Variants in HS6ST3 observed in about 807,000 individuals in gnomAD.
HS6ST3 encodes heparan-sulfate 6-O-sulfotransferase 3.
In HS6ST3, 12 loss-of-function variants were observed where a neutral mutation model predicts 36.7. The ratio of observed to expected loss-of-function variants is 0.33; its 90% CI spans 0.21 to 0.53. HS6ST3 has a LOEUF of 0.53. HS6ST3 is among the 20% of genes least tolerant of loss of function. The pLI, the probability that HS6ST3 is intolerant of heterozygous loss-of-function variation, is 0.95. For missense variants in HS6ST3, 584 were observed against 640.9 expected, an observed-to-expected ratio of 0.91 and a Z score of 0.96; for synonymous variants, 240 against 257.5, an observed-to-expected ratio of 0.93 and a Z score of 0.65.
intron 1 of HS6ST3, among the ~76,000 whole-genome samples, chr13:96,490,788 A>G (rs1347394042): frequency 6.6e-6 from 1 of 152,196 alleles, no homozygotes; most frequent in African/African-American, 2.4e-5. Context: ...GGTAGTAGGC[A>G]AACTTGTTGA....
chr13:96,604,068 A>G (rs929253584), intron 1 of HS6ST3, among the ~76,000 whole-genome samples: 5 of 152,202 alleles, frequency 3.3e-5, no homozygotes, highest in Admixed American at 3.3e-4. Flanking sequence ...CTTACTGTGC[A>G]TATGGTAAGA....
At chr13:96,152,580 G>A (rs956636210) in intron 1 of HS6ST3, among the ~76,000 whole-genome samples, 3 of 151,884 alleles carry the variant, frequency 2.0e-5, no homozygotes, top group Admixed American at 6.6e-5. Context: ...CTTGCGATCC[G>A]CCCGCCTTGA....
At chr13:96,365,323 T>C (rs747147995) in intron 1 of HS6ST3, among the ~76,000 whole-genome samples, 4 of 152,216 alleles carry the variant, frequency 2.6e-5, no homozygotes, top group African/African-American at 7.2e-5. Context: ...CTGGGTGTGG[T>C]TTAACTAAAA....
intron 1 of HS6ST3, among the ~76,000 whole-genome samples, chr13:96,761,433 T>G (rs954356265): frequency 6.6e-6 from 1 of 152,182 alleles, no homozygotes; most frequent in African/African-American, 2.4e-5. Flanking sequence ...TACCTTTGAT[T>G]TTTTTCATTA....
At chr13:96,350,987 CT>C (rs747374044) in intron 1 of HS6ST3, among the ~76,000 whole-genome samples, 9 of 152,224 alleles carry the variant, frequency 5.9e-5, no homozygotes, top group Admixed American at 1.3e-4. Flanking sequence ...TTTGGGAAGA[CT>C]TTTTTCCCTA....
At chr13:96,620,593 G>A (rs1410343699) in intron 1 of HS6ST3, among the ~76,000 whole-genome samples, 1 of 152,154 alleles carries the variant, frequency 6.6e-6, no homozygotes, top group Non-Finnish European at 1.5e-5. Context: ...GGTCATCAGC[G>A]ACATACATCC....
chr13:96,655,082 G>GA (rs2056620090), intron 1 of HS6ST3, among the ~76,000 whole-genome samples: 1 of 152,084 alleles, frequency 6.6e-6, no homozygotes, highest in African/African-American at 2.4e-5. Context: ...ATAAGTGAAG[G>GA]AAAAAGATCA....
chr13:96,433,325 A>G (rs61967669), intron 1 of HS6ST3, among the ~76,000 whole-genome samples: 23,881 of 152,042 alleles, frequency 0.16, 2,969 homozygotes, highest in African/African-American at 0.31. Context: ...GAAAATTTGA[A>G]TACAGGAATT....
intron 1 of HS6ST3, among the ~76,000 whole-genome samples, chr13:96,565,858 A>T (rs976119368): frequency 6.6e-6 from 1 of 152,192 alleles, no homozygotes; most frequent in African/African-American, 2.4e-5. Flanking sequence ...AAATTGACAG[A>T]CAAGGATTAT....
chr13:96,611,225 G>A (rs974389729), intron 1 of HS6ST3, among the ~76,000 whole-genome samples: 6 of 151,234 alleles, frequency 4.0e-5, no homozygotes, highest in Non-Finnish European at 8.8e-5. Context: ...ATGCTGGTGC[G>A]CTGCACCCAC....
rs530187934 is a variant in HS6ST3, at chr13:96,353,163, C to T, written c.707+261594C>T. On this transcript the variant is annotated intron_variant, in intron 1 of 1. Transcript: ENST00000376705. Reference sequence around the variant, plus strand: ...CTGTCTCCCAGGTTCACGTGATTCTCCTGCCTCAGCCTCCCGAGTAGCTGG... The same window carrying T: ...CTGTCTCCCAGGTTCACGTGATTCTTCTGCCTCAGCCTCCCGAGTAGCTGG... Among the ~76,000 whole-genome samples the T allele has an allele frequency of 2.0e-4, 30 of 148,644 alleles. 1 individual carries two copies. In the East Asian group the frequency reaches 5.7e-3, roughly 28 times the overall value.
rs1241055817 is a variant in HS6ST3, at chr13:96,839,543, T to A, written c.*6345T>A. Reference sequence around the variant, plus strand: ...TAATGAATAAGTTAAAATATTAAACTGTTGTGATGTCAAGAGCAATTGTCT... The same window carrying A: ...TAATGAATAAGTTAAAATATTAAACAGTTGTGATGTCAAGAGCAATTGTCT... On this transcript the variant is annotated 3_prime_UTR_variant, in exon 2 of 2. Transcript: ENST00000376705. 6.6e-6 allele frequency: 1 copy of A among 152,250 alleles called. No homozygotes were observed. The highest frequency in any genetic ancestry group is 2.4e-5 in the African/African-American group (1 of 41,464). The allele number at this position is 152,250 out of a possible 1,614,324, so 9.4% of individuals were successfully genotyped here.
At chr13:96,308,963 T>G (rs893667842) in intron 1 of HS6ST3, among the ~76,000 whole-genome samples, 22 of 152,268 alleles carry the variant, frequency 1.4e-4, no homozygotes, top group African/African-American at 5.3e-4. Flanking sequence ...GGAGAGAAAT[T>G]ATATTTGGCA....
chr13:96,447,985 G>A (rs2055707514), intron 1 of HS6ST3, among the ~76,000 whole-genome samples: 2 of 152,162 alleles, frequency 1.3e-5, no homozygotes, highest in South Asian at 2.1e-4. Context: ...ACTCATCAGA[G>A]CTGTATCATT....
chr13:96,231,196 G>C (rs1270604847), intron 1 of HS6ST3, among the ~76,000 whole-genome samples: 2 of 152,124 alleles, frequency 1.3e-5, no homozygotes, highest in Non-Finnish European at 2.9e-5. Context: ...CATCCTTACT[G>C]TGCCTGTTGA....
intron 1 of HS6ST3, among the ~76,000 whole-genome samples, chr13:96,162,759 A>G (rs985540447): frequency 4.6e-5 from 7 of 152,194 alleles, no homozygotes; most frequent in Non-Finnish European, 1.0e-4. Flanking sequence ...AAGGCAACAC[A>G]TTTTATGTTA....
intron 1 of HS6ST3, among the ~76,000 whole-genome samples, chr13:96,799,976 ATATATGTATATATATATATATG>A (rs1566456812): frequency 7.9e-5 from 7 of 88,920 alleles, no homozygotes; most frequent in African/African-American, 4.6e-4. Context: ...GTATATATAT[ATATATGTATATATATATATATG>A]TATATATATA....
chr13:96,660,000 C>T (rs150048055), intron 1 of HS6ST3, among the ~76,000 whole-genome samples: 14 of 152,128 alleles, frequency 9.2e-5, no homozygotes, highest in African/African-American at 3.1e-4. Flanking sequence ...TTTATAGATG[C>T]ACTAATATTT....
chr13:96,416,892 A>G (rs1243333531), intron 1 of HS6ST3, among the ~76,000 whole-genome samples: 1 of 151,926 alleles, frequency 6.6e-6, no homozygotes, highest in Non-Finnish European at 1.5e-5. Context: ...AGCTGGGACT[A>G]CAGGTGCCTG....
Sources: gnomAD v4.1 joint callset for allele counts (sites outside exome capture counted in the v4.1 genomes callset) on GRCh38, gnomAD v4.1.1 for gene constraint, MANE v1.5 for transcripts, NCBI Gene and HGNC (gene_info 2026-07-23, HGNC 2026-07-21) for gene names.